Variants in SLC36A1 observed in about 807,000 individuals in gnomAD.
The protein encoded by SLC36A1 is proton-coupled amino acid transporter 1.
SLC36A1 carries 30 observed loss-of-function variants against 47.5 expected under a neutral mutation model. The observed-to-expected ratio is 0.63, with a 90% CI of 0.47 to 0.86. The LOEUF is 0.86. Among genes scored for constraint, SLC36A1 ranks in the 40% least tolerant of loss-of-function variants. The pLI is 0.00. For synonymous variants in SLC36A1, 255 were observed against 249.7 expected (o/e 1.02, Z -0.20); for missense variants, 517 against 606.0 (o/e 0.85, Z 1.54).
At chr5:151,464,039 C>T (rs1581129026) in intron 3 of SLC36A1, among the ~76,000 whole-genome samples, 2 of 152,320 alleles carry the variant, frequency 1.3e-5, no homozygotes, top group East Asian at 3.9e-4. Flanking sequence ...CTTATGTCTT[C>T]TTTTTGTGAT....
chr5:151,453,519 A>G (rs2127458600), intron 1 of SLC36A1, among the ~76,000 whole-genome samples: 1 of 152,264 alleles, frequency 6.6e-6, no homozygotes, highest in African/African-American at 2.4e-5. Flanking sequence ...AGAATATGTT[A>G]CCATCTATTG....
the SLC36A1 span, among the ~76,000 whole-genome samples, chr5:151,409,718 A>G: frequency 2.6e-5 from 4 of 152,210 alleles, no homozygotes; most frequent in African/African-American, 7.2e-5. Context: ...GACTTTGAGT[A>G]GTTCAATTGC....
the SLC36A1 span, among the ~76,000 whole-genome samples, chr5:151,537,220 A>AGAGGAG: frequency 6.6e-6 from 1 of 150,894 alleles, no homozygotes; most frequent in Non-Finnish European, 1.5e-5. Context: ...AGGAAGAAGA[A>AGAGGAG]GAGGAGGAGG....
At chr5:151,424,097 C>T in the SLC36A1 span, among the ~76,000 whole-genome samples, 1 of 152,310 alleles carries the variant, frequency 6.6e-6, no homozygotes, top group South Asian at 2.1e-4. Context: ...CAATAAGACA[C>T]CATGGCAGGC....
At chr5:151,430,386 T>G in the SLC36A1 span, among the ~76,000 whole-genome samples, 10 of 147,982 alleles carry the variant, frequency 6.8e-5, no homozygotes, top group African/African-American at 2.3e-4. Context: ...TGCAGTAGCG[T>G]GACCTCGGCT....
At chr5:151,508,162 T>C in the SLC36A1 span, among the ~76,000 whole-genome samples, 1 of 152,356 alleles carries the variant, frequency 6.6e-6, no homozygotes, top group East Asian at 1.9e-4. Flanking sequence ...GGGAAACTTC[T>C]GTGGCCAGCT....
chr5:151,518,368 A>ATTATTATTATTATT, the SLC36A1 span, among the ~76,000 whole-genome samples: 10,807 of 82,196 alleles, frequency 0.13, 521 homozygotes, highest in East Asian at 0.48. Flanking sequence ...TAATAATAAT[A>ATTATTATTATTATT]ATAATAATTT....
the SLC36A1 span, among the ~76,000 whole-genome samples, chr5:151,353,922 T>C: frequency 6.6e-6 from 1 of 152,230 alleles, no homozygotes; most frequent in Non-Finnish European, 1.5e-5. Flanking sequence ...CTGAATAATA[T>C]TCCATTCTTT....
intron 6 of SLC36A1, 24 bp downstream of exon 6, chr5:151,467,307 A>AG: frequency 7.3e-7 from 1 of 1,376,126 alleles, no homozygotes; most frequent in Non-Finnish European, 1.0e-6. Flanking sequence ...TAAAAAAGAA[A>AG]AAAAAAAAAA....
the SLC36A1 span, chr5:151,545,381 C>T: frequency 2.5e-6 from 4 of 1,614,168 alleles, no homozygotes; most frequent in Non-Finnish European, 3.4e-6. Flanking sequence ...TGGATGGTAA[C>T]AGCTTCATCA....
At chr5:151,522,872 C>T in the SLC36A1 span, among the ~76,000 whole-genome samples, 7,063 of 152,122 alleles carry the variant, frequency 0.046, 172 homozygotes, top group African/African-American at 0.049. Context: ...GGCTGGCACG[C>T]GCAGGGTTGC....
chr5:151,521,966 C>T, the SLC36A1 span: 2 of 1,614,214 alleles, frequency 1.2e-6, no homozygotes, highest in Non-Finnish European at 1.7e-6. Flanking sequence ...TGGAACTCAT[C>T]CTCTCCAACA....
At position 151,447,775 on chromosome 5, in the gene SLC36A1, A is replaced by AC. The variant is rs1323104343; in HGVS notation, c.-41dup. 1.3e-5 allele frequency: 2 copies of AC among 152,282 alleles called. No homozygotes were observed. Among genetic ancestry groups the AC allele is most frequent in the Non-Finnish European group, 2.9e-5 (2 of 68,122 alleles). 9.4% of individuals were successfully genotyped at this position (152,282 alleles called of 1,614,324 possible). A position where few individuals can be genotyped will look rare whatever the true frequency, so the allele number is the denominator to read the frequency against. On this transcript the variant is annotated 5_prime_UTR_variant, in exon 1 of 11. Coordinates refer to ENST00000243389, the MANE Select transcript of SLC36A1 (RefSeq NM_078483.4). ...GGCGGCGCTCGCCGCCTTGGGCAGGACCCACCTCGCCTTCCTCCCGGCGTG... is the reference window on the plus strand; with the variant it reads ...GGCGGCGCTCGCCGCCTTGGGCAGGACCCCACCTCGCCTTCCTCCCGGCGTG...
the SLC36A1 span, chr5:151,382,226 CG>C: frequency 2.7e-5 from 35 of 1,288,562 alleles, no homozygotes; most frequent in African/African-American, 4.5e-4. Context: ...TCTGCAAGTG[CG>C]GGTCACTCAT....
the SLC36A1 span, chr5:151,505,522 C>T: frequency 1.2e-6 from 2 of 1,610,234 alleles, no homozygotes; most frequent in African/African-American, 1.3e-5. Flanking sequence ...TAAGCCAAGT[C>T]CAGTCCTTGG....
rs145144966 is a variant in SLC36A1 at position 151,472,824 on chromosome 5, C to T, written c.724-849C>T. On this transcript the variant is annotated intron_variant, in intron 7 of 10. Coordinates refer to ENST00000243389, the MANE Select transcript of SLC36A1 (RefSeq NM_078483.4). The stretch of plus-strand genomic sequence containing the variant: ...TTAAAATTTTTTCTCACTAATATTT[C>T]GTAAGTAGTTTTTCATGTTCTACTT... Among the ~76,000 whole-genome samples the T allele has an allele frequency of 3.8e-3, 576 of 152,260 alleles. 6 individuals are homozygous for T. The highest frequency in any genetic ancestry group is 0.013 in the African/African-American group (532 of 41,550).
downstream of SLC36A1, among the ~76,000 whole-genome samples, chr5:151,497,246 T>A (rs1760371430): frequency 6.6e-6 from 1 of 152,238 alleles, no homozygotes; most frequent in Admixed American, 6.5e-5. Context: ...GTAAGTAGTA[T>A]AATTTTTATA....
the SLC36A1 span, among the ~76,000 whole-genome samples, chr5:151,501,188 G>A: frequency 5.3e-5 from 8 of 152,178 alleles, no homozygotes; most frequent in Non-Finnish European, 1.2e-4. Flanking sequence ...TCCCAAAGAC[G>A]AAGAGGGGGC....
chr5:151,531,704 G>A, the SLC36A1 span: 7 of 1,613,846 alleles, frequency 4.3e-6, no homozygotes, highest in Non-Finnish European at 4.2e-6. This position sits in a 1 kb window ranked among gnomAD's most constrained non-coding sequence, Gnocchi z 5.7. Flanking sequence ...GTGCCAGGTG[G>A]GGCGTCCTCG....
Sources: gnomAD v4.1 joint callset for allele counts (sites outside exome capture counted in the v4.1 genomes callset) on GRCh38, gnomAD v4.1.1 for gene constraint, Gnocchi (gnomAD v3.1) non-coding constraint, MANE v1.5 for transcripts, NCBI Gene and HGNC (gene_info 2026-07-23, HGNC 2026-07-21) for gene names.